DOCK5: variants seen among roughly 807,000 people sequenced by gnomAD.
The protein encoded by DOCK5 is dedicator of cytokinesis protein 5.
A neutral mutation model predicts 251.8 loss-of-function variants in DOCK5; 142 were observed. That is an observed-to-expected ratio of 0.56 (90% CI 0.49 to 0.65). The LOEUF is 0.65. Among genes scored for constraint, DOCK5 ranks in the 30% least tolerant of loss-of-function variants. The probability of loss-of-function intolerance (pLI) is 0.00; values close to 1 mark genes in which losing one functional copy is unlikely to be tolerated. For missense variants in DOCK5, 2,111 were observed against 2,312.3 expected (o/e 0.91, Z 1.79); for synonymous variants, 842 against 835.5 (o/e 1.01, Z -0.13).
intron 26 of DOCK5, among the ~76,000 whole-genome samples, chr8:25,346,883 A>C (rs1180761028): frequency 6.6e-6 from 1 of 152,068 alleles, no homozygotes; most frequent in Non-Finnish European, 1.5e-5. Flanking sequence ...TGTCCTAGAA[A>C]TAGTGCAGCC....
At chr8:25,343,617 A>G (rs922479575) in intron 25 of DOCK5, among the ~76,000 whole-genome samples, 1 of 152,180 alleles carries the variant, frequency 6.6e-6, no homozygotes, top group Non-Finnish European at 1.5e-5. Flanking sequence ...TCTTTAGTCT[A>G]TACTTATTGC....
chr8:25,321,304 C>G (rs1266618227), intron 16 of DOCK5, among the ~76,000 whole-genome samples: 4 of 152,184 alleles, frequency 2.6e-5, no homozygotes, highest in African/African-American at 7.2e-5. Context: ...GACAGCAGTC[C>G]TCAATCTTTG....
intron 2 of DOCK5, among the ~76,000 whole-genome samples, chr8:25,247,461 G>A (rs1416784341): frequency 6.6e-6 from 1 of 151,970 alleles, no homozygotes; most frequent in East Asian, 1.9e-4. Context: ...GCCAAGCATG[G>A]TGACATGCAC....
chr8:25,208,052 A>G (rs1431299117), intron 1 of DOCK5, among the ~76,000 whole-genome samples: 1 of 152,228 alleles, frequency 6.6e-6, no homozygotes, highest in Non-Finnish European at 1.5e-5. Context: ...GAGGGGTTCA[A>G]AACTTCAGTG....
At chr8:25,236,279 G>T (rs183958269) in intron 1 of DOCK5, among the ~76,000 whole-genome samples, 1 of 152,176 alleles carries the variant, frequency 6.6e-6, no homozygotes, top group Admixed American at 6.5e-5. Flanking sequence ...TGAGCAGAGA[G>T]GTGGCGTGAT....
rs962332935 is a variant in DOCK5, at chr8:25,414,572, A to G, written c.*3274A>G. On this transcript the variant is annotated 3_prime_UTR_variant, in exon 52 of 52. Transcript: ENST00000276440. ...CTTCTCCTCTAGTTGCCCCTAGGTC[A>G]CTGGCTAATTTATTTTAAAATTTAG... 2.3e-4 allele frequency: 35 copies of G among 152,302 alleles called. No individual in the cohort carries two copies. The highest frequency in any genetic ancestry group is 7.2e-4 in the African/African-American group (30 of 41,570). 9.4% of individuals were successfully genotyped at this position (152,302 alleles called of 1,614,324 possible).
At chr8:25,406,423 TAATAC>T (rs914430144) in intron 48 of DOCK5, among the ~76,000 whole-genome samples, 2 of 152,234 alleles carry the variant, frequency 1.3e-5, no homozygotes, top group Admixed American at 1.3e-4. Flanking sequence ...TTTAATTCCA[TAATAC>T]AATAATTACA....
At chr8:25,360,120 C>G (rs1040579211) in intron 28 of DOCK5, among the ~76,000 whole-genome samples, 1 of 152,236 alleles carries the variant, frequency 6.6e-6, no homozygotes, top group African/African-American at 2.4e-5. Flanking sequence ...TTTCCACTTT[C>G]TGCCTCTGTC....
intron 40 of DOCK5, among the ~76,000 whole-genome samples, chr8:25,385,991 G>A (rs1801158601): frequency 6.6e-6 from 1 of 152,244 alleles, no homozygotes; most frequent in African/African-American, 2.4e-5. Context: ...CAAAAGCTAT[G>A]AGGCTGGAGT....
In DOCK5 at chr8:25,197,575, C is replaced by CTTTTTTT. The variant is rs541455591; in HGVS notation, c.43+12645_43+12651dup. On this transcript the variant is annotated intron_variant, in intron 1 of 51. Transcript: ENST00000276440. ...CTCTCTTTAAGGATCGTGTCTTTGT[C>CTTTTTTT]TTTTTTTTTTTTTTTTTTTTTTTTT... Among the ~76,000 whole-genome samples, 54 of 108,256 alleles carry CTTTTTTT rather than the reference C, an allele frequency of 5.0e-4. 6 individuals carry two copies. Among genetic ancestry groups the CTTTTTTT allele is most frequent in the African/African-American group, 1.6e-3 (40 of 24,284 alleles). 71.0% of individuals were successfully genotyped at this position (108,256 alleles called of 152,430 possible). A position where few individuals can be genotyped will look rare whatever the true frequency, so the allele number is the denominator to read the frequency against.
chr8:25,238,897 T>C (rs1027309609), intron 1 of DOCK5, among the ~76,000 whole-genome samples: 31 of 152,246 alleles, frequency 2.0e-4, no homozygotes, highest in African/African-American at 7.2e-4. Context: ...ACAAAAGTAA[T>C]GTGTAACGAG....
chr8:25,324,799 C>T (rs530635133), intron 17 of DOCK5, among the ~76,000 whole-genome samples: 8 of 144,440 alleles, frequency 5.5e-5, no homozygotes, highest in African/African-American at 1.0e-4. Flanking sequence ...CCCCCCTCCC[C>T]GCCCCCGCCA....
intron 30 of DOCK5, among the ~76,000 whole-genome samples, chr8:25,366,380 A>G (rs1160191277): frequency 1.3e-5 from 2 of 152,012 alleles, no homozygotes; most frequent in African/African-American, 4.8e-5. Flanking sequence ...AATCCCAGAT[A>G]CTCGTCAGGA....
intron 1 of DOCK5, among the ~76,000 whole-genome samples, chr8:25,236,348 C>G (rs1406151256): frequency 6.6e-6 from 1 of 152,038 alleles, no homozygotes; most frequent in East Asian, 1.9e-4. Context: ...ATCCTAAAAC[C>G]ACAGATTTGA....
Position 25,226,646 on chromosome 8 carries a change from C to G in DOCK5, c.44-17028C>G, listed in dbSNP as rs55894059. ...TGTTCCCCAGATTGGAGTGCAGTGG[C>G]GTGATCTCAGCTCCCTGCAAGCTCC... On this transcript the variant is annotated intron_variant, in intron 1 of 51. Coordinates refer to ENST00000276440, the MANE Select transcript of DOCK5 (RefSeq NM_024940.8). Among the ~76,000 whole-genome samples, 899 of 150,184 alleles carry G rather than the reference C, an allele frequency of 6.0e-3. 8 individuals are homozygous for G. Among genetic ancestry groups the G allele is most frequent in the African/African-American group, 0.021 (851 of 40,248 alleles).
intron 51 of DOCK5, 106 bp from the exon 52 acceptor site, chr8:25,411,088 C>A (rs1801623895): frequency 3.7e-6 from 5 of 1,343,934 alleles, no homozygotes; most frequent in Non-Finnish European, 4.9e-6. Flanking sequence ...TGTAGATAAA[C>A]TCAGATCAAT....
intron 13 of DOCK5, among the ~76,000 whole-genome samples, chr8:25,313,620 G>A (rs939762011): frequency 2.6e-5 from 4 of 152,172 alleles, no homozygotes; most frequent in Non-Finnish European, 4.4e-5. Context: ...CGTCAACAAC[G>A]TTTATTTTCT....
At chr8:25,189,576 G>T (rs1052796587) in intron 1 of DOCK5, among the ~76,000 whole-genome samples, 1 of 152,156 alleles carries the variant, frequency 6.6e-6, no homozygotes, top group Non-Finnish European at 1.5e-5. Flanking sequence ...GCCCAGGCTG[G>T]TCTGGAACTC....
chr8:25,390,355 T>G, intron 42 of DOCK5, 68 bp downstream of exon 42: 1 of 1,380,494 alleles, frequency 7.2e-7, no homozygotes, highest in Non-Finnish European at 9.8e-7. Context: ...ATCTATAATC[T>G]CAACATTTTC....
Sources: gnomAD v4.1 joint callset for allele counts (sites outside exome capture counted in the v4.1 genomes callset) on GRCh38, gnomAD v4.1.1 for gene constraint, MANE v1.5 for transcripts, NCBI Gene and HGNC (gene_info 2026-07-23, HGNC 2026-07-21) for gene names.